PUS1: variants seen among roughly 807,000 people sequenced by gnomAD.
PUS1 encodes the protein pseudouridine synthase 1, also known as pseudouridylate synthase 1 homolog.
PUS1 carries 25 observed loss-of-function variants against 38.5 expected under a neutral mutation model. That is an observed-to-expected ratio of 0.65 (90% CI 0.47 to 0.91). The LOEUF (loss-of-function observed/expected upper bound fraction) is 0.91, where lower values mean the gene tolerates loss of function less well. Among genes scored for constraint, PUS1 ranks in the 40% least tolerant of loss-of-function variants. PUS1 has a pLI of 0.00. For synonymous variants in PUS1, 282 were observed against 260.4 expected, an observed-to-expected ratio of 1.08 and a Z score of -0.80; for missense variants, 597 against 612.3, an observed-to-expected ratio of 0.97 and a Z score of 0.26.
At position 131,929,484 on chromosome 12, in the gene PUS1, G is replaced by C; in HGVS notation, c.-239G>C. 2 of 451,904 alleles carry C rather than the reference G, an allele frequency of 4.4e-6. No homozygotes were observed. The highest frequency in any genetic ancestry group is 7.8e-6 in the Non-Finnish European group (2 of 256,404). 28.0% of individuals were successfully genotyped at this position (451,904 alleles called of 1,614,324 possible). A position where few individuals can be genotyped will look rare whatever the true frequency, so the allele number is the denominator to read the frequency against. ...TCTGGGGGCAGTAGAGACGGGGCTT[G>C]GGCGCGGGGCCTGAGAGGTCAGGGG... is the stretch of plus-strand genomic sequence containing the variant. On this transcript the variant is annotated 5_prime_UTR_variant, in exon 1 of 6. Coordinates refer to ENST00000376649, the MANE Select transcript of PUS1 (RefSeq NM_025215.6).
At chr12:131,933,936 G>A (rs550089964) in intron 3 of PUS1, among the ~76,000 whole-genome samples, 1 of 152,360 alleles carries the variant, frequency 6.6e-6, no homozygotes, top group African/African-American at 2.4e-5. Context: ...CAAGGCAAGG[G>A]GACAGGGTAA....
chr12:131,945,401 T>C lies in PUS1; in HGVS notation c.*1815T>C, dbSNP rs1007898847. 1 of 152,274 alleles carries C rather than the reference T, an allele frequency of 6.6e-6. No individual in the cohort carries two copies. The highest frequency in any genetic ancestry group is 1.5e-5 in the Non-Finnish European group (1 of 68,088). 9.4% of individuals were successfully genotyped at this position (152,274 alleles called of 1,614,324 possible). Reference sequence around the variant, plus strand: ...GGGATGGATGAGCTGGGCCGTTAACTGGAACGGGAGACAGGGAAAGGAATG... The same window carrying C: ...GGGATGGATGAGCTGGGCCGTTAACCGGAACGGGAGACAGGGAAAGGAATG... On this transcript the variant is annotated 3_prime_UTR_variant, in exon 6 of 6. Transcript: ENST00000376649.
At chr12:131,930,568 C>T (rs1051079859) in intron 2 of PUS1, among the ~76,000 whole-genome samples, 9 of 152,228 alleles carry the variant, frequency 5.9e-5, no homozygotes, top group African/African-American at 2.2e-4. Flanking sequence ...GGATTCTCTC[C>T]TCAGCCCACT....
At chr12:131,942,048 G>A in intron 5 of PUS1, 65 bp downstream of exon 5, 2 of 1,397,766 alleles carry the variant, frequency 1.4e-6, no homozygotes, top group African/African-American at 1.4e-5. Flanking sequence ...TTGTACAGAG[G>A]AGTGAGCTGA....
Position 131,941,517 on chromosome 12 carries a change from C to A in PUS1, c.770C>A (p.Pro257His). The change falls in exon 5 of 6, where the codon CCC becomes CAC. Residue 257 changes from proline (P) to histidine (H), a missense_variant. Pro to His is a moderately conservative substitution (Grantham distance 77). Transcript: ENST00000376649. The surrounding 1 kb of genome is among the most constrained non-coding windows in gnomAD (Gnocchi z 4.4). ...ACCTCGCAGAAGGGGCCGCAGGATC[C>A]CAGTGCCTGCCGCTACATCCTGGAG... ...NFTSQKGPQD[P>H]SACRYILEMY... 3 of 1,614,152 alleles carry A rather than the reference C, an allele frequency of 1.9e-6. No homozygotes were observed. The highest frequency in any genetic ancestry group is 1.1e-5 in the South Asian group (1 of 91,082).
At chr12:131,942,118 AG>A (rs992643930) in intron 5 of PUS1, 135 bp downstream of exon 5, 4 of 885,988 alleles carry the variant, frequency 4.5e-6, no homozygotes, top group Non-Finnish European at 7.0e-6. Context: ...GAGCAGGGGC[AG>A]GCGGTCTTGA....
intron 2 of PUS1, among the ~76,000 whole-genome samples, chr12:131,930,522 G>A (rs1388880718): frequency 6.6e-6 from 1 of 152,224 alleles, no homozygotes; most frequent in Non-Finnish European, 1.5e-5. Flanking sequence ...TGTCGTGAGC[G>A]TTAAGGGGAC....
rs1385761762 is a variant in PUS1 at position 131,943,947 on chromosome 12, A to G, written c.*361A>G. 1 of 306,902 alleles carries G rather than the reference A, an allele frequency of 3.3e-6. No homozygotes were observed. Among genetic ancestry groups the G allele is most frequent in the African/African-American group, 2.2e-5 (1 of 46,156 alleles). 19.0% of individuals were successfully genotyped at this position (306,902 alleles called of 1,614,324 possible). On this transcript the variant is annotated 3_prime_UTR_variant, in exon 6 of 6. Transcript: ENST00000376649. ...GCATGGTGTCCCGTTGAGAACAGAT[A>G]CGGCTGAACAAAAGAGAAAGGCCCA...
intron 5 of PUS1, among the ~76,000 whole-genome samples, chr12:131,942,495 C>T (rs986603930): frequency 1.3e-5 from 2 of 152,148 alleles, no homozygotes; most frequent in African/African-American, 4.8e-5. Flanking sequence ...CAAGCTCCGC[C>T]TCCCGGGTTC....
chr12:131,942,598 G>A (rs1005586029), intron 5 of PUS1, among the ~76,000 whole-genome samples: 14 of 152,116 alleles, frequency 9.2e-5, no homozygotes, highest in Non-Finnish European at 1.9e-4. Context: ...AGTAGAGATG[G>A]GGTTTCACCA....
rs1013116456 is a variant in PUS1, at chr12:131,943,889, T to G, written c.*303T>G. On this transcript the variant is annotated 3_prime_UTR_variant, in exon 6 of 6. Coordinates refer to ENST00000376649, the MANE Select transcript of PUS1 (RefSeq NM_025215.6). ...TGGTTTGCCTTTTTCTTAGTCTTTT[T>G]TAACATTTTTTTCGTCCACAGAGAT... 7.8e-6 allele frequency: 3 copies of G among 385,278 alleles called. No individual in the cohort carries two copies. The highest frequency in any genetic ancestry group is 3.7e-5 in the Admixed American group (1 of 27,206). 23.9% of individuals were successfully genotyped at this position (385,278 alleles called of 1,614,324 possible). A position where few individuals can be genotyped will look rare whatever the true frequency, so the allele number is the denominator to read the frequency against.
Sources: gnomAD v4.1 joint callset for allele counts (sites outside exome capture counted in the v4.1 genomes callset) on GRCh38, gnomAD v4.1.1 for gene constraint, Gnocchi (gnomAD v3.1) non-coding constraint, MANE v1.5 for transcripts, NCBI Gene and HGNC (gene_info 2026-07-23, HGNC 2026-07-21) for gene names.